The following DPYS variants were observed in gnomAD, a reference collection of about 807,000 sequenced individuals.
The protein encoded by DPYS is dihydropyrimidine amidohydrolase.
A neutral mutation model predicts 50.3 loss-of-function variants in DPYS; 39 were observed. The ratio of observed to expected loss-of-function variants is 0.78; its 90% confidence interval spans 0.60 to 1.01. DPYS has a LOEUF of 1.01. Among genes scored for constraint, DPYS ranks in the 50% least tolerant of loss-of-function variants. The pLI, the probability that DPYS is intolerant of heterozygous loss-of-function variation, is 0.00. For missense variants in DPYS, 659 were observed against 680.9 expected (o/e 0.97, Z 0.36); for synonymous variants, 245 against 250.7 (o/e 0.98, Z 0.22).
In DPYS at chr8:104,398,352, C is replaced by G. The variant is rs1811659256; in HGVS notation, c.1236-5361G>C. Among the ~76,000 whole-genome samples the G allele has an allele frequency of 2.0e-5, 3 of 152,366 alleles. No individual in the cohort carries two copies. The South Asian group carries it at 6.2e-4, about 32-fold the overall frequency. On this transcript the variant is annotated intron_variant, in intron 7 of 9. Coordinates refer to ENST00000351513, the MANE Select transcript of DPYS (RefSeq NM_001385.3). Reference sequence around the variant, plus strand: ...ACTGCAGTGAGGTGATCTGCAGTATCTGTGCCTAGGAGCAGGAGCAGAGCT... The same window carrying G: ...ACTGCAGTGAGGTGATCTGCAGTATGTGTGCCTAGGAGCAGGAGCAGAGCT...
chr8:104,463,657 C>T (rs1159216309), intron 1 of DPYS, among the ~76,000 whole-genome samples: 1 of 152,086 alleles, frequency 6.6e-6, no homozygotes, highest in Non-Finnish European at 1.5e-5. Context: ...AGATAATGCA[C>T]AACTTAGGGC....
At chr8:104,381,107 C>T in intron 9 of DPYS, 77 bp downstream of exon 9, 1 of 1,263,720 alleles carries the variant, frequency 7.9e-7, no homozygotes, top group Non-Finnish European at 1.2e-6. Context: ...ACCTTGATCT[C>T]TTCAACCCTT....
rs2298840 is a variant in DPYS at position 104,466,705 on chromosome 8, G to A, written c.216C>T (p.Phe72=). 287,496 of 1,531,760 alleles carry A rather than the reference G, an allele frequency of 0.19. 28,132 individuals are homozygous for A. Among genetic ancestry groups the A allele is most frequent in the East Asian group, 0.32 (12,807 of 39,970 alleles). The allele number at this position is 1,531,760 out of a possible 1,614,324, so 94.9% of individuals were successfully genotyped here. ...CGATGGACCGCGAGCCCATGAAGGGGAACTGCATGTGCGTGTGTGTGTCGA... is the reference window on the plus strand; with the variant it reads ...CGATGGACCGCGAGCCCATGAAGGGAAACTGCATGTGCGTGTGTGTGTCGA... ...GGIDTHTHMQ[F]PFMGSRSIDD... Residue 72 remains phenylalanine (F), a synonymous_variant, in exon 1 of 10, where the codon TTC becomes TTT. Transcript: ENST00000351513.
intron 1 of DPYS, among the ~76,000 whole-genome samples, chr8:104,453,207 T>C (rs576161464): frequency 6.6e-5 from 10 of 152,368 alleles, no homozygotes; most frequent in East Asian, 3.9e-4. Context: ...TCACTTTTTA[T>C]ACAGGATCCT....
rs1394797096 is a variant in DPYS, at chr8:104,454,155, GCAGGTGGATCACCTGAGGT to G, written c.265-2770_265-2752del. Among the ~76,000 whole-genome samples the G allele has an allele frequency of 2.6e-5, 4 of 152,288 alleles. No homozygotes were observed. In the East Asian group the frequency reaches 7.7e-4, roughly 29 times the overall value. On this transcript the variant is annotated intron_variant, in intron 1 of 9. Coordinates refer to ENST00000351513, the MANE Select transcript of DPYS (RefSeq NM_001385.3). ...AATCCCAGCACTTTGGGAACCTGAAGCAGGTGGATCACCTGAGGTCAGGAGTTCAAGACAAGCCTGGCCA... is the reference window on the plus strand; with the variant it reads ...AATCCCAGCACTTTGGGAACCTGAAGCAGGAGTTCAAGACAAGCCTGGCCA...
chr8:104,448,901 A>G (rs777204798), intron 2 of DPYS, among the ~76,000 whole-genome samples: 7 of 152,222 alleles, frequency 4.6e-5, no homozygotes, highest in Non-Finnish European at 1.0e-4. Context: ...CACCCGGCAT[A>G]GCAGTCCTTA....
chr8:104,383,604 CTTT>C (rs59669284), intron 8 of DPYS, among the ~76,000 whole-genome samples: 2 of 141,766 alleles, frequency 1.4e-5, no homozygotes, highest in Non-Finnish European at 1.5e-5. Flanking sequence ...CCAGGCTGTA[CTTT>C]TTTTTTTTTT....
chr8:104,430,087 A>C (rs1043757498), intron 4 of DPYS, among the ~76,000 whole-genome samples: 3 of 152,204 alleles, frequency 2.0e-5, no homozygotes, highest in African/African-American at 7.2e-5. Flanking sequence ...TTTACATTAC[A>C]TACAGTCTAT....
chr8:104,384,703 A>G (rs887215148), intron 8 of DPYS, among the ~76,000 whole-genome samples: 1 of 152,256 alleles, frequency 6.6e-6, no homozygotes, highest in African/African-American at 2.4e-5. Flanking sequence ...CTGGCATCCC[A>G]GATGAATATG....
chr8:104,393,591 G>A (rs1274624300), intron 7 of DPYS, among the ~76,000 whole-genome samples: 1 of 152,088 alleles, frequency 6.6e-6, no homozygotes, highest in African/African-American at 2.4e-5. Context: ...AAAATACGTT[G>A]GAATATAATC....
At chr8:104,402,464 C>G (rs1021053822) in intron 7 of DPYS, among the ~76,000 whole-genome samples, 17 of 152,158 alleles carry the variant, frequency 1.1e-4, no homozygotes, top group Non-Finnish European at 1.6e-4. Context: ...CGATTATTAG[C>G]TTTTGGAAAG....
chr8:104,416,871 G>A (rs578136464), intron 7 of DPYS, among the ~76,000 whole-genome samples: 13 of 151,744 alleles, frequency 8.6e-5, no homozygotes, highest in East Asian at 1.9e-4. Context: ...CCCTCCCCAC[G>A]CCCTACAATC....
rs185007787 is a variant in DPYS at position 104,419,087 on chromosome 8, C to G, written c.1235+5160G>C. On this transcript the variant is annotated intron_variant, in intron 7 of 9. Transcript: ENST00000351513. ...GAAGGGGCACTTAAAGAAAATAAGACCAGCGAGACAGTTCTTCCTCCTCTC... is the reference window on the plus strand; with the variant it reads ...GAAGGGGCACTTAAAGAAAATAAGAGCAGCGAGACAGTTCTTCCTCCTCTC... 2.8e-4 allele frequency: 279 copies of G among 985,060 alleles called. No homozygotes were observed. The African/African-American group carries it at 4.6e-3, about 16-fold the overall frequency. 61.0% of individuals were successfully genotyped at this position (985,060 alleles called of 1,614,324 possible). A position where few individuals can be genotyped will look rare whatever the true frequency, so the allele number is the denominator to read the frequency against.
At chr8:104,446,524 C>CA (rs1481691058) in intron 3 of DPYS, among the ~76,000 whole-genome samples, 4 of 152,172 alleles carry the variant, frequency 2.6e-5, no homozygotes, top group African/African-American at 7.2e-5. Context: ...TTCTTCCTTA[C>CA]AAAAAGAGCA....
At chr8:104,416,401 C>T (rs1812369703) in intron 7 of DPYS, among the ~76,000 whole-genome samples, 1 of 152,222 alleles carries the variant, frequency 6.6e-6, no homozygotes, top group South Asian at 2.1e-4. Flanking sequence ...CCTCAGCCAG[C>T]AGCCCTGACA....
At chr8:104,415,266 A>G (rs1361134868) in intron 7 of DPYS, among the ~76,000 whole-genome samples, 4 of 152,266 alleles carry the variant, frequency 2.6e-5, no homozygotes, top group South Asian at 4.1e-4. Flanking sequence ...AGGAAAGCCT[A>G]TGCCTTTCAC....
intron 7 of DPYS, among the ~76,000 whole-genome samples, chr8:104,410,531 C>A (rs1464564752): frequency 6.6e-6 from 1 of 152,068 alleles, no homozygotes; most frequent in Non-Finnish European, 1.5e-5. Flanking sequence ...CTGGGAAAGT[C>A]CCAGGCAAAC....
chr8:104,411,225 C>A (rs532048311), intron 7 of DPYS, among the ~76,000 whole-genome samples: 2 of 152,330 alleles, frequency 1.3e-5, no homozygotes, highest in South Asian at 4.1e-4. Context: ...TCACACATTT[C>A]TTACACACAA....
At chr8:104,430,209 A>G (rs1812905473) in intron 4 of DPYS, among the ~76,000 whole-genome samples, 1 of 152,204 alleles carries the variant, frequency 6.6e-6, no homozygotes, top group Non-Finnish European at 1.5e-5. Flanking sequence ...ATGGAATTCA[A>G]CCACAGCATA....
Sources: gnomAD v4.1 joint callset for allele counts (sites outside exome capture counted in the v4.1 genomes callset) on GRCh38, gnomAD v4.1.1 for gene constraint, MANE v1.5 for transcripts, NCBI Gene and HGNC (gene_info 2026-07-23, HGNC 2026-07-21) for gene names.